The following ARIH2 variants were observed in gnomAD, a reference collection of about 807,000 sequenced individuals.
ARIH2 encodes E3 ubiquitin-protein ligase ARIH2.
A neutral mutation model predicts 79.8 loss-of-function variants in ARIH2; 12 were observed. That is an observed-to-expected ratio of 0.15 (90% CI 0.10 to 0.24). The LOEUF is 0.24. Among genes scored for constraint, ARIH2 ranks in the 10% least tolerant of loss-of-function variants. The probability of loss-of-function intolerance (pLI) is 1.00; values close to 1 mark genes in which losing one functional copy is unlikely to be tolerated. For missense variants in ARIH2, 301 were observed against 618.3 expected (o/e 0.49, Z 5.44); for synonymous variants, 224 against 213.9 (o/e 1.05, Z -0.41).
rs1450207627 is a variant in ARIH2 at position 48,984,770 on chromosome 3, T to C, written c.*1500T>C. On this transcript the variant is annotated 3_prime_UTR_variant, in exon 16 of 16. Coordinates refer to ENST00000356401, the MANE Select transcript of ARIH2 (RefSeq NM_006321.4). ...TAGAAATTCTTTGGTATTCATACAT[T>C]TCAGCTGCAAGTCAGCAATTTCCCA... 1 of 152,206 alleles carries C rather than the reference T, an allele frequency of 6.6e-6. No homozygotes were observed. Among genetic ancestry groups the C allele is most frequent in the Non-Finnish European group, 1.5e-5 (1 of 68,040 alleles). The allele number at this position is 152,206 out of a possible 1,614,324, so 9.4% of individuals were successfully genotyped here. A position where few individuals can be genotyped will look rare whatever the true frequency, so the allele number is the denominator to read the frequency against.
chr3:48,977,919 G>C (rs1334138840), intron 11 of ARIH2, among the ~76,000 whole-genome samples: 1 of 152,128 alleles, frequency 6.6e-6, no homozygotes, highest in Non-Finnish European at 1.5e-5. Context: ...CCTCATTTTT[G>C]GGGAAGTCAG....
At chr3:48,959,671 A>AAAAAAAAAAAAAAAAAAC (rs2091039613) in intron 3 of ARIH2, among the ~76,000 whole-genome samples, 1 of 150,962 alleles carries the variant, frequency 6.6e-6, no homozygotes, top group Admixed American at 6.6e-5. Context: ...AAAAAAAAAA[A>AAAAAAAAAAAAAAAAAAC]AAAAGAAAAG....
At position 48,919,459 on chromosome 3, in the gene ARIH2, C is replaced by G. The variant is rs546622347; in HGVS notation, c.-162+461C>G. The G allele has an allele frequency of 1.9e-5, 5 of 262,150 alleles. No homozygotes were observed. In the East Asian group the frequency reaches 2.6e-4, roughly 14 times the overall value. The allele number at this position is 262,150 out of a possible 1,614,324, so 16.2% of individuals were successfully genotyped here. On this transcript the variant is annotated intron_variant, in intron 1 of 15. Transcript: ENST00000356401. Reference sequence around the variant, plus strand: ...CGCGGCGCCCCTAGGGATGTGCGGCCCCGGAGCTGTGCCGCCGCCTCGCCA... The same window carrying G: ...CGCGGCGCCCCTAGGGATGTGCGGCGCCGGAGCTGTGCCGCCGCCTCGCCA...
chr3:48,968,416 T>G (rs1313010236), intron 6 of ARIH2, 118 bp from the exon 7 acceptor site: 1 of 945,448 alleles, frequency 1.1e-6, no homozygotes, highest in Non-Finnish European at 1.6e-6. Context: ...TCCATATTGG[T>G]CAGACTGGTC....
intron 3 of ARIH2, among the ~76,000 whole-genome samples, chr3:48,932,185 GAA>G (rs2086462897): frequency 6.6e-6 from 1 of 152,162 alleles, no homozygotes. Context: ...AGAGAACAGA[GAA>G]AATGCTTATC....
At chr3:48,941,275 G>C (rs1053316795) in intron 3 of ARIH2, among the ~76,000 whole-genome samples, 1 of 152,118 alleles carries the variant, frequency 6.6e-6, no homozygotes, top group African/African-American at 2.4e-5. Flanking sequence ...TGCAATTCTG[G>C]TCCTACAAAT....
intron 3 of ARIH2, among the ~76,000 whole-genome samples, chr3:48,957,663 C>T (rs1233235917): frequency 6.6e-6 from 1 of 152,190 alleles, no homozygotes; most frequent in Non-Finnish European, 1.5e-5. Context: ...GAAAAGGTTC[C>T]AGCAGGGAGT....
chr3:48,934,341 A>C (rs2086821312), intron 3 of ARIH2: 2 of 885,938 alleles, frequency 2.3e-6, no homozygotes, highest in Non-Finnish European at 2.7e-6. Flanking sequence ...TTATTAAATC[A>C]ATTTTCTTTT....
At chr3:48,947,937 CTTTTTA>C (rs1185651492) in intron 3 of ARIH2, among the ~76,000 whole-genome samples, 1 of 152,034 alleles carries the variant, frequency 6.6e-6, no homozygotes, top group African/African-American at 2.4e-5. Flanking sequence ...TCCATTTTAT[CTTTTTA>C]TTTTATTTTT....
chr3:48,972,763 C>G (rs2092308862), intron 8 of ARIH2, among the ~76,000 whole-genome samples: 1 of 152,018 alleles, frequency 6.6e-6, no homozygotes, highest in East Asian at 1.9e-4. Flanking sequence ...GTCCACGTTG[C>G]AGTACAGTGA....
intron 1 of ARIH2, among the ~76,000 whole-genome samples, chr3:48,919,974 A>ATT (rs768780567): frequency 1.7e-4 from 23 of 135,508 alleles, no homozygotes; most frequent in African/African-American, 4.6e-4. Flanking sequence ...TCTGGAGGAA[A>ATT]TTTTTTTTTT....
chr3:48,956,438 A>AT (rs1559795263), intron 3 of ARIH2, among the ~76,000 whole-genome samples: 1 of 62,216 alleles, frequency 1.6e-5, no homozygotes, highest in Non-Finnish European at 3.2e-5. Context: ...TGCGCCCGGC[A>AT]CTTTTTTTTT....
At chr3:48,922,365 G>A (rs1417034813) in intron 1 of ARIH2, 1 of 150,130 alleles carries the variant, frequency 6.7e-6, no homozygotes, top group African/African-American at 2.5e-5. Flanking sequence ...GTGCAGTGGC[G>A]CGATCTCACC....
At chr3:48,942,463 G>A (rs1174800266) in intron 3 of ARIH2, among the ~76,000 whole-genome samples, 1 of 151,930 alleles carries the variant, frequency 6.6e-6, no homozygotes, top group Admixed American at 6.6e-5. Flanking sequence ...TCAGGTAGAT[G>A]TTGGGAGAGA....
At chr3:48,920,017 T>C (rs1056187145) in intron 1 of ARIH2, among the ~76,000 whole-genome samples, 1 of 150,986 alleles carries the variant, frequency 6.6e-6, no homozygotes, top group African/African-American at 2.4e-5. Context: ...AAAGTTGCTG[T>C]CACCAGGCTG....
intron 12 of ARIH2, chr3:48,980,066 A>G (rs749706890): frequency 4.0e-4 from 115 of 285,210 alleles, no homozygotes; most frequent in Non-Finnish European, 6.0e-4. Flanking sequence ...AGCCCCATGC[A>G]TAATGGTCTC....
chr3:48,971,374 A>G (rs1180345030), intron 8 of ARIH2, among the ~76,000 whole-genome samples: 1 of 152,160 alleles, frequency 6.6e-6, no homozygotes, highest in Non-Finnish European at 1.5e-5. Flanking sequence ...CCTCCTGAGT[A>G]GCTGGGACTA....
chr3:48,983,023 G>A, intron 15 of ARIH2, 44 bp downstream of exon 15: 1 of 1,579,594 alleles, frequency 6.3e-7, no homozygotes, highest in Middle Eastern at 1.7e-4. Flanking sequence ...GCAGGTAGAG[G>A]ACTGGCATGG....
At chr3:48,971,132 C>A (rs1576490310) in intron 8 of ARIH2, among the ~76,000 whole-genome samples, 1 of 152,250 alleles carries the variant, frequency 6.6e-6, no homozygotes, top group East Asian at 1.9e-4. Flanking sequence ...TCACTTCATT[C>A]AGTAGATACC....
Sources: gnomAD v4.1 joint callset for allele counts (sites outside exome capture counted in the v4.1 genomes callset) on GRCh38, gnomAD v4.1.1 for gene constraint, MANE v1.5 for transcripts, NCBI Gene and HGNC (gene_info 2026-07-23, HGNC 2026-07-21) for gene names.